Variants in KIR3DL1 observed in about 807,000 individuals in gnomAD.
KIR3DL1 encodes the protein killer cell immunoglobulin like receptor, three Ig domains and long cytoplasmic tail 1.
Under a neutral mutation model 40.3 loss-of-function variants are expected in KIR3DL1, and 50 were observed. The ratio of observed to expected loss-of-function variants is 1.24; its 90% CI spans 0.99 to 1.57. The LOEUF (loss-of-function observed/expected upper bound fraction) is 1.57. KIR3DL1 is among the 40% of genes most tolerant of loss of function. The pLI is 0.00. For synonymous variants in KIR3DL1, 257 were observed against 207.2 expected (o/e 1.24, Z -2.07); for missense variants, 661 against 559.9 (o/e 1.18, Z -1.82).
intron 5 of KIR3DL1, among the ~76,000 whole-genome samples, chr19:54,823,154 C>A (rs1172410228): frequency 6.6e-6 from 1 of 150,826 alleles, no homozygotes; most frequent in East Asian, 1.9e-4. Context: ...CCTGACTCAG[C>A]CTCCCTAGTA....
intron 5 of KIR3DL1, among the ~76,000 whole-genome samples, chr19:54,822,399 T>A (rs1169868655): frequency 6.6e-5 from 10 of 151,104 alleles, no homozygotes; most frequent in African/African-American, 2.4e-4. Flanking sequence ...CCAAGGAAGG[T>A]GGATCATTTA....
chr19:54,817,534 G>T lies in KIR3DL1; in HGVS notation c.35G>T (p.Gly12Val), dbSNP rs756158462. 4.6e-6 allele frequency: 7 copies of T among 1,510,962 alleles called. No individual in the cohort carries two copies. The African/African-American group carries it at 1.1e-4, about 24-fold the overall frequency. 93.6% of individuals were successfully genotyped at this position (1,510,962 alleles called of 1,614,324 possible). ...GGTCCATCATGATCTTTCTTTCTAG[G>T]GTTGTTCTTGGTCCAGAGGGCCGGT... Residue 12 changes from glycine to valine, a missense_variant and splice_region_variant, in exon 2 of 9, where the codon GGG (glycine) becomes GTG (valine). By Grantham distance (109) the Gly-to-Val change is moderately radical. Transcript: ENST00000391728.
At chr19:54,819,924 T>A (rs1350059387) in exon 4 of KIR3DL1, 1 of 1,611,980 alleles carries the variant, frequency 6.2e-7, no homozygotes, top group Non-Finnish European at 8.5e-7. Flanking sequence ...TGCTTGCCCT[T>A]GCAGGGACCT....
chr19:54,821,700 G>A lies in KIR3DL1; in HGVS notation c.791G>A (p.Arg264His), dbSNP rs771195198. The change falls in exon 5 of 9, where the codon CGT (arginine) becomes CAT (histidine). Residue 264 changes from arginine (R) to histidine (H), a missense_variant. Arg to His is a conservative substitution (Grantham distance 29, BLOSUM62 0). Coordinates refer to ENST00000391728, the Ensembl canonical transcript of KIR3DL1. ...TCCAGGGAGGGGGGAGCCCATGAAC[G>A]TAGGCTCCCTGCAGTGCGCAAGGTC... 3.9e-5 allele frequency: 62 copies of A among 1,609,084 alleles called. No individual in the cohort carries two copies. The highest frequency in any genetic ancestry group is 5.0e-5 in the Non-Finnish European group (59 of 1,177,708).
In KIR3DL1 at chr19:54,819,851, C is replaced by A. The variant is rs2061542787; in HGVS notation, c.494C>A (p.Ser165Ter). The A allele has an allele frequency of 2.5e-6, 4 of 1,612,164 alleles. No individual in the cohort carries two copies. In the African/African-American group the frequency reaches 5.4e-5, roughly 22 times the overall value. ...AAAGAGGGGATCTCTAAGGACCCCT[C>A]ACGCCTCGTTGGACAGATCCATGAT... Residue 165 changes from serine (S) to a stop codon, truncating the protein, a stop_gained, in exon 4 of 9, where the codon TCA becomes TAA. Coordinates refer to ENST00000391728, the Ensembl canonical transcript of KIR3DL1. LOFTEE classifies it high-confidence loss of function.
chr19:54,819,926 C>G (rs1401242897), exon 4 of KIR3DL1: 1 of 1,612,092 alleles, frequency 6.2e-7, no homozygotes, highest in Admixed American at 1.7e-5. Context: ...CTTGCCCTTG[C>G]AGGGACCTAC....
chr19:54,818,592 G>A, exon 3 of KIR3DL1: 1 of 1,609,492 alleles, frequency 6.2e-7, no homozygotes, highest in Non-Finnish European at 8.5e-7. Flanking sequence ...TGGTGATCAT[G>A]GTCACAGGTC....
chr19:54,821,978 G>A, intron 5 of KIR3DL1, 120 bp downstream of exon 5: 2 of 1,248,160 alleles, frequency 1.6e-6, no homozygotes, highest in Non-Finnish European at 1.1e-6. Context: ...CAGGTGTGAG[G>A]GCGGAGTCAG....
Position 54,830,134 on chromosome 19 carries a change from C to A in KIR3DL1, c.1194C>A (p.Tyr398Ter). The change falls in exon 9 of 9, where the codon TAC becomes TAA. Residue 398 changes from tyrosine (Y) to a stop codon, truncating the protein, a stop_gained. Transcript: ENST00000391728. LOFTEE classifies it low-confidence loss of function (END_TRUNC). Reference sequence around the variant, plus strand: ...AACAAGACCCTGAGGAGGTGACATACGCACAGTTGGATCACTGCGTTTTCA... The same window carrying A: ...AACAAGACCCTGAGGAGGTGACATAAGCACAGTTGGATCACTGCGTTTTCA... The A allele has an allele frequency of 4.6e-6, 7 of 1,523,078 alleles. No individual in the cohort carries two copies. The highest frequency in any genetic ancestry group is 6.2e-6 in the Non-Finnish European group (7 of 1,122,226). 94.3% of individuals were successfully genotyped at this position (1,523,078 alleles called of 1,614,324 possible). A position where few individuals can be genotyped will look rare whatever the true frequency, so the allele number is the denominator to read the frequency against.
exon 9 of KIR3DL1, chr19:54,830,300 GTCT>G: frequency 6.7e-7 from 1 of 1,489,932 alleles, no homozygotes; most frequent in Non-Finnish European, 9.1e-7. Context: ...CCTTGAGGAC[GTCT>G]TCTAGGGAGA....
chr19:54,818,238 G>A (rs2061447495), intron 2 of KIR3DL1, 77 bp from the exon 3 acceptor site: 5 of 1,504,640 alleles, frequency 3.3e-6, no homozygotes, highest in South Asian at 1.2e-5. Flanking sequence ...GTGGAAATGG[G>A]GAGAATCTTC....
Position 54,819,104 on chromosome 19 carries a change from C to G in KIR3DL1, c.355+505C>G, listed in dbSNP as rs551495959. Among the ~76,000 whole-genome samples, 65 of 151,332 alleles carry G rather than the reference C, an allele frequency of 4.3e-4. 5 individuals are homozygous for G. Among genetic ancestry groups the G allele is most frequent in the African/African-American group, 1.5e-3 (62 of 41,034 alleles). On this transcript the variant is annotated intron_variant, in intron 3 of 8. Transcript: ENST00000391728. ...CGCTGATTCTCCAGAGGGAACGCAG[C>G]CCTGTAGACACCTTGATTTCAGCAC...
intron 6 of KIR3DL1, among the ~76,000 whole-genome samples, chr19:54,827,439 C>A (rs1390791957): frequency 2.1e-5 from 3 of 143,870 alleles, no homozygotes; most frequent in Non-Finnish European, 4.6e-5. Flanking sequence ...TGGTGAAACC[C>A]TATCTCTCCT....
intron 5 of KIR3DL1, among the ~76,000 whole-genome samples, chr19:54,822,275 G>A (rs1399776532): frequency 1.3e-5 from 2 of 151,122 alleles, no homozygotes; most frequent in Non-Finnish European, 2.9e-5. Flanking sequence ...GAGGTTAAAT[G>A]TAACTATATA....
At chr19:54,827,153 G>A (rs1320523826) in intron 6 of KIR3DL1, among the ~76,000 whole-genome samples, 1 of 151,244 alleles carries the variant, frequency 6.6e-6, no homozygotes, top group Non-Finnish European at 1.5e-5. Context: ...TGCAGGGAGG[G>A]CTTGCTGGGT....
intron 6 of KIR3DL1, among the ~76,000 whole-genome samples, chr19:54,825,700 G>C (rs1323404044): frequency 1.3e-5 from 2 of 150,354 alleles, no homozygotes; most frequent in Admixed American, 1.3e-4. Context: ...GTAGCTCAAA[G>C]TAGGAAGTGC....
exon 9 of KIR3DL1, chr19:54,830,337 G>A (rs2062159908): frequency 6.8e-7 from 1 of 1,467,426 alleles, no homozygotes; most frequent in African/African-American, 1.4e-5. Context: ...TCAAAACCGA[G>A]TTGCCAGCTC....
Position 54,819,702 on chromosome 19 carries a change from T to G in KIR3DL1, c.356-11T>G, listed in dbSNP as rs754468210. 5 of 1,605,258 alleles carry G rather than the reference T, an allele frequency of 3.1e-6. No individual in the cohort carries two copies. The highest frequency in any genetic ancestry group is 4.3e-6 in the Non-Finnish European group (5 of 1,175,818). On this transcript the variant is annotated splice_polypyrimidine_tract_variant and intron_variant, in intron 3 of 8. Coordinates refer to ENST00000391728, the Ensembl canonical transcript of KIR3DL1. ...AGAGATGCCTTCTAAACTCACAACTTCTCTTTCTAGGAAACCACAGAAAAC... is the reference window on the plus strand; with the variant it reads ...AGAGATGCCTTCTAAACTCACAACTGCTCTTTCTAGGAAACCACAGAAAAC...
rs776801767 is a variant in KIR3DL1 at position 54,829,939 on chromosome 19, A to G, written c.1117A>G (p.Met373Val). The G allele has an allele frequency of 5.9e-6, 9 of 1,525,712 alleles. 1 individual carries two copies. Among genetic ancestry groups the G allele is most frequent in the Non-Finnish European group, 8.0e-6 (9 of 1,123,828 alleles). The allele number at this position is 1,525,712 out of a possible 1,614,324, so 94.5% of individuals were successfully genotyped here. A position where few individuals can be genotyped will look rare whatever the true frequency, so the allele number is the denominator to read the frequency against. ...TCCGTCTCCTACAGATGCTGCTGTA[A>G]TGGACCAAGAGCCTGCAGGGAACAG... The change falls in exon 8 of 9, where the codon ATG (methionine) becomes GTG (valine). Residue 373 changes from methionine to valine, a missense_variant. Met to Val is a conservative substitution (Grantham distance 21). Coordinates refer to ENST00000391728, the Ensembl canonical transcript of KIR3DL1.
Sources: gnomAD v4.1 joint callset for allele counts (sites outside exome capture counted in the v4.1 genomes callset) on GRCh38, gnomAD v4.1.1 for gene constraint, MANE v1.5 for transcripts, NCBI Gene and HGNC (gene_info 2026-07-23, HGNC 2026-07-21) for gene names.